CNBD1: variants seen among roughly 807,000 people sequenced by gnomAD.
CNBD1 encodes the protein cyclic nucleotide-binding domain-containing protein 1.
A neutral mutation model predicts 54.4 loss-of-function variants in CNBD1; 71 were observed. The ratio of observed to expected loss-of-function variants is 1.30; its 90% confidence interval spans 1.08 to 1.59. The LOEUF (loss-of-function observed/expected upper bound fraction) is 1.59. CNBD1 is among the 40% of genes most tolerant of loss of function. The pLI is 0.00. For missense variants in CNBD1, 659 were observed against 518.0 expected (o/e 1.27, Z -2.64); for synonymous variants, 182 against 170.7 (o/e 1.07, Z -0.51).
intron 4 of CNBD1, among the ~76,000 whole-genome samples, chr8:87,015,873 T>TGGAAGGCTGAGGTA (rs1809344342): frequency 6.8e-6 from 1 of 147,556 alleles, no homozygotes; most frequent in Non-Finnish European, 1.5e-5. Flanking sequence ...CTCAGCTACT[T>TGGAAGGCTGAGGTA]GGAAGGCTGA....
chr8:87,278,730 A>C (rs1034512082), intron 6 of CNBD1, among the ~76,000 whole-genome samples: 1 of 151,576 alleles, frequency 6.6e-6, no homozygotes, highest in Non-Finnish European at 1.5e-5. Context: ...ACTGAAGAAC[A>C]AAGAAACTTC....
In CNBD1 at chr8:87,092,459, G is replaced by A. The variant is rs865902623; in HGVS notation, c.432-113534G>A. 2.2e-3 allele frequency among the ~76,000 whole-genome samples: 306 copies of A among 138,476 alleles called. 1 individual carries two copies. The highest frequency in any genetic ancestry group is 7.4e-3 in the African/African-American group (274 of 37,082). The allele number at this position is 138,476 out of a possible 152,430, so 90.8% of individuals were successfully genotyped here. On this transcript the variant is annotated intron_variant, in intron 4 of 10. Coordinates refer to ENST00000518476, the MANE Select transcript of CNBD1 (RefSeq NM_173538.3). ...TGTGTGTGTATATATATACACATAT[G>A]TGTGTGTGTGTATATATATACACAT...
chr8:87,281,825 G>A (rs1031447954), intron 6 of CNBD1, among the ~76,000 whole-genome samples: 7 of 151,126 alleles, frequency 4.6e-5, no homozygotes, highest in East Asian at 3.9e-4. Flanking sequence ...ATAGGTTAGA[G>A]GACTTTAATA....
At chr8:87,083,220 C>T (rs1055381567) in intron 4 of CNBD1, among the ~76,000 whole-genome samples, 5 of 152,146 alleles carry the variant, frequency 3.3e-5, no homozygotes, top group Non-Finnish European at 5.9e-5. Context: ...TTTAAAATGG[C>T]GCTACTAAGC....
chr8:87,251,268 T>G (rs1807911355), intron 6 of CNBD1, among the ~76,000 whole-genome samples: 1 of 152,150 alleles, frequency 6.6e-6, no homozygotes, highest in African/African-American at 2.4e-5. Flanking sequence ...ACATGACTGT[T>G]AGTAATACAA....
chr8:87,376,795 G>C (rs1004331232), intron 10 of CNBD1, among the ~76,000 whole-genome samples: 1 of 151,818 alleles, frequency 6.6e-6, no homozygotes, highest in African/African-American at 2.4e-5. Flanking sequence ...CAAATACATA[G>C]AAATTTGTAA....
chr8:86,931,256 A>G (rs909434582), intron 3 of CNBD1, among the ~76,000 whole-genome samples: 1 of 152,180 alleles, frequency 6.6e-6, no homozygotes, highest in Admixed American at 6.5e-5. Context: ...GTGTCCAGGA[A>G]GAAGTCAATT....
chr8:87,077,440 T>G (rs563860702), intron 4 of CNBD1, among the ~76,000 whole-genome samples: 1 of 150,740 alleles, frequency 6.6e-6, no homozygotes. Context: ...TATTATACTT[T>G]AAGTTCAATG....
rs59497760 is a variant in CNBD1, at chr8:86,895,253, G to GGTGTGTGT, written c.158+7663_158+7670dup. 2.0e-3 allele frequency among the ~76,000 whole-genome samples: 287 copies of GGTGTGTGT among 144,914 alleles called. 2 individuals are homozygous for GGTGTGTGT. The highest frequency in any genetic ancestry group is 7.4e-3 in the African/African-American group (277 of 37,372). ...TTTTTTTCTCTGTGTGTGTGTGCATGGTGTGTGTGTGTGTGTGTGTGTGTG... is the reference window on the plus strand; with the variant it reads ...TTTTTTTCTCTGTGTGTGTGTGCATGGTGTGTGTGTGTGTGTGTGTGTGTGTGTGTGTG... On this transcript the variant is annotated intron_variant, in intron 2 of 10. Transcript: ENST00000518476.
chr8:86,970,948 T>C (rs575254385), intron 4 of CNBD1, among the ~76,000 whole-genome samples: 245 of 152,356 alleles, frequency 1.6e-3, no homozygotes, highest in South Asian at 3.3e-3. Flanking sequence ...CTCAAGGCTT[T>C]CAATGGATTC....
At chr8:87,251,520 A>C (rs1176720937) in intron 6 of CNBD1, among the ~76,000 whole-genome samples, 1 of 151,606 alleles carries the variant, frequency 6.6e-6, no homozygotes, top group Non-Finnish European at 1.5e-5. Context: ...CCCGGGAGGC[A>C]GAGGTTGCAG....
At chr8:86,955,168 A>C (rs979291025) in intron 4 of CNBD1, among the ~76,000 whole-genome samples, 3 of 152,182 alleles carry the variant, frequency 2.0e-5, no homozygotes, top group East Asian at 1.9e-4. Flanking sequence ...TGAACTCATC[A>C]TTTTTTATGG....
intron 4 of CNBD1, among the ~76,000 whole-genome samples, chr8:87,168,761 T>A (rs991379195): frequency 1.3e-5 from 2 of 152,046 alleles, no homozygotes; most frequent in African/African-American, 4.8e-5. Context: ...AATGACAGGA[T>A]CTCATTCTTC....
At chr8:87,333,435 G>A (rs933129343) in intron 8 of CNBD1, among the ~76,000 whole-genome samples, 5 of 152,162 alleles carry the variant, frequency 3.3e-5, no homozygotes, top group Admixed American at 1.3e-4. Context: ...GTGAGAGAGG[G>A]CATCCCTGTC....
rs893021982 is a variant in CNBD1 at position 87,120,324 on chromosome 8, A to G, written c.432-85669A>G. On this transcript the variant is annotated intron_variant, in intron 4 of 10. Coordinates refer to ENST00000518476, the MANE Select transcript of CNBD1 (RefSeq NM_173538.3). The stretch of plus-strand genomic sequence containing the variant: ...GTAGGCTGTGTGTTTCAAGGAATCT[A>G]TCCATTTCCTCAAGGTTTTCCATTT... Among the ~76,000 whole-genome samples, 3 of 151,910 alleles carry G rather than the reference A, an allele frequency of 2.0e-5. No individual in the cohort carries two copies. The East Asian group carries it at 5.8e-4, about 29-fold the overall frequency.
chr8:87,412,755 G>C (rs1272503317), intron 2 of CNBD1, among the ~76,000 whole-genome samples: 4 of 152,074 alleles, frequency 2.6e-5, no homozygotes, highest in African/African-American at 9.7e-5. Context: ...TTCCGAAGAA[G>C]ATTTGAGGAA....
intron 6 of CNBD1, among the ~76,000 whole-genome samples, chr8:87,241,427 C>A (rs1158259996): frequency 6.6e-6 from 1 of 151,826 alleles, no homozygotes; most frequent in African/African-American, 2.4e-5. Context: ...CCTGCCACCA[C>A]GCCTGGCTAA....
At chr8:87,209,340 A>T (rs1465276236) in intron 5 of CNBD1, among the ~76,000 whole-genome samples, 1 of 152,192 alleles carries the variant, frequency 6.6e-6, no homozygotes, top group Non-Finnish European at 1.5e-5. Flanking sequence ...AAATTGCAGG[A>T]TACAAAATCA....
At chr8:86,985,708 T>C (rs1281525276) in intron 4 of CNBD1, among the ~76,000 whole-genome samples, 1 of 152,184 alleles carries the variant, frequency 6.6e-6, no homozygotes, top group African/African-American at 2.4e-5. Context: ...TCTTTGGGTA[T>C]ATACTCAGAA....
Sources: gnomAD v4.1 joint callset for allele counts (sites outside exome capture counted in the v4.1 genomes callset) on GRCh38, gnomAD v4.1.1 for gene constraint, MANE v1.5 for transcripts, NCBI Gene and HGNC (gene_info 2026-07-23, HGNC 2026-07-21) for gene names.